The following LRRC37A2 variants were observed in gnomAD, a reference collection of about 807,000 sequenced individuals.
LRRC37A2 encodes leucine rich repeat containing 37 member A2.
LRRC37A2 carries 9 observed loss-of-function variants against 68.8 expected under a neutral mutation model. The observed-to-expected ratio is 0.13, with a 90% CI of 0.08 to 0.23. The LOEUF is 0.23. LRRC37A2 is among the 10% of genes least tolerant of loss of function. LRRC37A2 has a pLI of 1.00. For missense variants in LRRC37A2, 168 were observed against 950.4 expected, an observed-to-expected ratio of 0.18 and a Z score of 10.82; for synonymous variants, 63 against 367.6, an observed-to-expected ratio of 0.17 and a Z score of 9.48.
At chr17:46,801,933 T>C in the LRRC37A2 span, among the ~76,000 whole-genome samples, 2 of 152,162 alleles carry the variant, frequency 1.3e-5, no homozygotes, top group South Asian at 4.1e-4. Flanking sequence ...TTGAGACCAC[T>C]CAACGAAGCC....
Position 46,548,568 on chromosome 17 carries a change from A to AGG in LRRC37A2, c.3429_3430insGG (p.Leu1144GlyfsTer15), listed in dbSNP as rs1299908623. 1 of 1,554,072 alleles carries AGG rather than the reference A, an allele frequency of 6.4e-7. No homozygotes were observed. Among genetic ancestry groups the AGG allele is most frequent in the Non-Finnish European group, 8.7e-7 (1 of 1,146,298 alleles). ...AATCACTGTTACTACCGTTCATTAA[A>AGG]CTGCCAACCACAGGAAACAGCCTGG... On this transcript the variant is annotated frameshift_variant, in exon 10 of 15. Coordinates refer to ENST00000576629, the Ensembl canonical transcript of LRRC37A2. LOFTEE classifies it high-confidence loss of function.
chr17:46,993,538 C>T, the LRRC37A2 span, among the ~76,000 whole-genome samples: 1 of 152,256 alleles, frequency 6.6e-6, no homozygotes, highest in African/African-American at 2.4e-5. Flanking sequence ...GGAGGATTGG[C>T]TTTGCCAAAG....
At chr17:46,785,494 C>T in the LRRC37A2 span, among the ~76,000 whole-genome samples, 3 of 152,248 alleles carry the variant, frequency 2.0e-5, no homozygotes, top group Admixed American at 6.5e-5. Context: ...CAGGAGCCCC[C>T]GAGGACAGGC....
chr17:46,788,275 A>G, the LRRC37A2 span, among the ~76,000 whole-genome samples: 1 of 152,148 alleles, frequency 6.6e-6, no homozygotes, highest in Non-Finnish European at 1.5e-5. Context: ...GTTCATTTTA[A>G]CCTTGTAACA....
the LRRC37A2 span, among the ~76,000 whole-genome samples, chr17:46,817,017 C>A: frequency 6.6e-6 from 1 of 152,212 alleles, no homozygotes; most frequent in African/African-American, 2.4e-5. Flanking sequence ...TAGCCCAGCC[C>A]CCCGGAAAAG....
the LRRC37A2 span, among the ~76,000 whole-genome samples, chr17:46,882,626 C>T: frequency 3.3e-5 from 5 of 152,080 alleles, no homozygotes; most frequent in African/African-American, 9.7e-5. Context: ...GAGGCACTGG[C>T]GGGAAGCATC....
downstream of LRRC37A2, among the ~76,000 whole-genome samples, chr17:46,558,553 ATT>A (rs58227880): frequency 0.014 from 1,377 of 99,968 alleles, 12 homozygotes; most frequent in Admixed American, 0.018. Flanking sequence ...TGCCCGGCCA[ATT>A]TTTTTTTTTT....
At chr17:46,975,021 G>A in the LRRC37A2 span, among the ~76,000 whole-genome samples, 5 of 128,134 alleles carry the variant, frequency 3.9e-5, no homozygotes, top group Non-Finnish European at 8.0e-5. Context: ...TTTATGTCCA[G>A]GGAATCCATT....
the LRRC37A2 span, chr17:46,921,243 G>C: frequency 6.6e-6 from 1 of 152,208 alleles, no homozygotes; most frequent in African/African-American, 2.4e-5. Flanking sequence ...TCTAACCATC[G>C]TTTTTGAAAT....
chr17:47,001,357 CG>C, the LRRC37A2 span, among the ~76,000 whole-genome samples: 2 of 151,772 alleles, frequency 1.3e-5, no homozygotes, highest in African/African-American at 4.8e-5. Context: ...CCTGAAAAAG[CG>C]GAAGTGAGAG....
the LRRC37A2 span, among the ~76,000 whole-genome samples, chr17:46,779,896 T>A: frequency 6.6e-6 from 1 of 152,110 alleles, no homozygotes; most frequent in African/African-American, 2.4e-5. Context: ...GTAGCTGGGA[T>A]AAGAGGCATG....
At chr17:46,958,708 A>G in the LRRC37A2 span, among the ~76,000 whole-genome samples, 5 of 152,216 alleles carry the variant, frequency 3.3e-5, no homozygotes, top group African/African-American at 1.2e-4. Context: ...AGAGGTCCTC[A>G]CAGGGGCACA....
chr17:47,013,420 A>G, the LRRC37A2 span, among the ~76,000 whole-genome samples: 1 of 152,224 alleles, frequency 6.6e-6, no homozygotes, highest in Non-Finnish European at 1.5e-5. Flanking sequence ...TGCCTCTTTG[A>G]GCTAGCTCTT....
At chr17:46,973,659 T>C in the LRRC37A2 span, among the ~76,000 whole-genome samples, 1 of 152,216 alleles carries the variant, frequency 6.6e-6, no homozygotes, top group Admixed American at 6.5e-5. Context: ...CTGCCCCGTC[T>C]GCCGAGCTGG....
chr17:46,922,190 G>A, the LRRC37A2 span, among the ~76,000 whole-genome samples: 6 of 152,128 alleles, frequency 3.9e-5, no homozygotes, highest in Admixed American at 1.3e-4. Flanking sequence ...GTAGGGACAC[G>A]GATGAAGCTG....
At chr17:46,944,190 T>G in the LRRC37A2 span, among the ~76,000 whole-genome samples, 1 of 152,236 alleles carries the variant, frequency 6.6e-6, no homozygotes. Context: ...CCCTGGCATG[T>G]GTCCAGTGCC....
the LRRC37A2 span, among the ~76,000 whole-genome samples, chr17:46,389,217 A>G: frequency 1.3e-5 from 2 of 151,766 alleles, no homozygotes; most frequent in Non-Finnish European, 2.9e-5. Context: ...ATAAATAAAT[A>G]AAAGCAAGCA....
At chr17:46,890,231 C>T in the LRRC37A2 span, among the ~76,000 whole-genome samples, 13 of 150,908 alleles carry the variant, frequency 8.6e-5, no homozygotes, top group Non-Finnish European at 1.5e-4. Context: ...CATTACGTTC[C>T]TTCATCTCAG....
At chr17:46,782,265 A>G in the LRRC37A2 span, among the ~76,000 whole-genome samples, 1 of 152,190 alleles carries the variant, frequency 6.6e-6, no homozygotes, top group Non-Finnish European at 1.5e-5. Flanking sequence ...TGTCTCTTAA[A>G]ATGACTGACA....
Sources: gnomAD v4.1 joint callset for allele counts (sites outside exome capture counted in the v4.1 genomes callset) on GRCh38, gnomAD v4.1.1 for gene constraint, MANE v1.5 for transcripts, NCBI Gene and HGNC (gene_info 2026-07-23, HGNC 2026-07-21) for gene names.